The following SGMS1 variants were observed in gnomAD, a reference collection of about 807,000 sequenced individuals.
SGMS1 encodes sphingomyelin synthase 1.
SGMS1 carries 13 observed loss-of-function variants against 46.2 expected under a neutral mutation model. The observed-to-expected ratio is 0.28, with a 90% confidence interval of 0.18 to 0.45. The LOEUF (loss-of-function observed/expected upper bound fraction) is 0.45. SGMS1 is among the 20% of genes least tolerant of loss of function. The pLI is 1.00. For missense variants in SGMS1, 324 were observed against 519.9 expected (o/e 0.62, Z 3.66); for synonymous variants, 203 against 187.8 (o/e 1.08, Z -0.66).
rs1367059835 is a variant in SGMS1, at chr10:50,306,630, AT to A, written c.*511del. Reference sequence around the variant, plus strand: ...GTTACCAAACCTTTCTGTGTCTATCATTTTTATTTGAATATCGGTGCAACAG... The same window carrying A: ...GTTACCAAACCTTTCTGTGTCTATCATTTTATTTGAATATCGGTGCAACAG... On this transcript the variant is annotated 3_prime_UTR_variant, in exon 11 of 11. Coordinates refer to ENST00000361781, the MANE Select transcript of SGMS1 (RefSeq NM_147156.4). The A allele has an allele frequency of 2.0e-5, 3 of 152,778 alleles. No homozygotes were observed. Among genetic ancestry groups the A allele is most frequent in the Admixed American group, 6.5e-5 (1 of 15,284 alleles). 9.5% of individuals were successfully genotyped at this position (152,778 alleles called of 1,614,324 possible).
chr10:50,520,454 A>G (rs1249292012), intron 2 of SGMS1, among the ~76,000 whole-genome samples: 1 of 152,188 alleles, frequency 6.6e-6, no homozygotes, highest in Non-Finnish European at 1.5e-5. Context: ...ATTTACAAAG[A>G]GCTTTCACAT....
At chr10:50,458,339 CTTTTTTTT>C (rs750349777) in intron 5 of SGMS1, among the ~76,000 whole-genome samples, 259 of 97,120 alleles carry the variant, frequency 2.7e-3, no homozygotes, top group African/African-American at 3.8e-3. Flanking sequence ...TTCTTTTTCT[CTTTTTTTT>C]TTTTTTTTTT....
At chr10:50,582,007 G>A (rs1357201795) in intron 2 of SGMS1, among the ~76,000 whole-genome samples, 1 of 152,178 alleles carries the variant, frequency 6.6e-6, no homozygotes, top group Non-Finnish European at 1.5e-5. Flanking sequence ...GCAACCGCAG[G>A]GCAGAGCCTG....
intron 7 of SGMS1, among the ~76,000 whole-genome samples, chr10:50,329,902 G>C (rs1847591513): frequency 6.6e-6 from 1 of 152,096 alleles, no homozygotes; most frequent in African/African-American, 2.4e-5. Context: ...CCAAGTGTTA[G>C]AGCACTAGGC....
chr10:50,322,397 G>T (rs915897274), intron 8 of SGMS1, among the ~76,000 whole-genome samples: 39 of 152,324 alleles, frequency 2.6e-4, no homozygotes, highest in Middle Eastern at 6.8e-3. Flanking sequence ...GCATTAGGCT[G>T]CCTGTTTATC....
chr10:50,311,534 C>G, intron 8 of SGMS1, 119 bp from the exon 9 acceptor site: 1 of 914,918 alleles, frequency 1.1e-6, no homozygotes, highest in South Asian at 1.9e-5. Context: ...AAATCCCCAC[C>G]AGGAAGTTTG....
At chr10:50,522,266 C>T (rs926138808) in intron 2 of SGMS1, among the ~76,000 whole-genome samples, 6 of 152,020 alleles carry the variant, frequency 3.9e-5, no homozygotes, top group Non-Finnish European at 1.5e-5. Flanking sequence ...CTCCTTTATC[C>T]CTGTGACATA....
intron 5 of SGMS1, among the ~76,000 whole-genome samples, chr10:50,448,237 G>C (rs888635764): frequency 2.0e-5 from 3 of 152,010 alleles, no homozygotes; most frequent in African/African-American, 7.3e-5. Context: ...GGGCAACAGA[G>C]CAAGACCTTG....
chr10:50,459,935 A>G (rs1837243547), intron 5 of SGMS1: 1 of 152,158 alleles, frequency 6.6e-6, no homozygotes, highest in South Asian at 2.1e-4. Context: ...ATTACTCAGC[A>G]CAAGGTACAT....
chr10:50,561,594 A>T (rs1772801904), intron 2 of SGMS1, among the ~76,000 whole-genome samples: 1 of 152,190 alleles, frequency 6.6e-6, no homozygotes, highest in African/African-American at 2.4e-5. Context: ...ATACTGAAAG[A>T]TTTAAAGCAG....
At position 50,457,113 on chromosome 10, in the gene SGMS1, G is replaced by A. The variant is rs954718862; in HGVS notation, c.-313+3560C>T. Reference sequence around the variant, plus strand: ...TCACTAATAGAATGGATTCACTGACGCTATTACCCAAAGGGAATACTTATA... The same window carrying A: ...TCACTAATAGAATGGATTCACTGACACTATTACCCAAAGGGAATACTTATA... On this transcript the variant is annotated intron_variant, in intron 5 of 10. Transcript: ENST00000361781. Among the ~76,000 whole-genome samples the A allele has an allele frequency of 7.2e-5, 11 of 152,114 alleles. No individual in the cohort carries two copies. In the South Asian group the frequency reaches 1.2e-3, roughly 17 times the overall value.
chr10:50,448,071 A>G (rs1441502816), intron 5 of SGMS1, among the ~76,000 whole-genome samples: 2 of 152,160 alleles, frequency 1.3e-5, no homozygotes, highest in Admixed American at 1.3e-4. Context: ...CCAAACTGTG[A>G]AACAAATTCT....
chr10:50,320,137 C>T (rs1847416597), intron 8 of SGMS1, among the ~76,000 whole-genome samples: 1 of 152,140 alleles, frequency 6.6e-6, no homozygotes. Flanking sequence ...TGGCTTCTGC[C>T]ATGTGGATCA....
chr10:50,512,246 A>G (rs1837762715), intron 3 of SGMS1, among the ~76,000 whole-genome samples: 1 of 152,080 alleles, frequency 6.6e-6, no homozygotes, highest in South Asian at 2.1e-4. Context: ...GGAGTAGGAA[A>G]CAAGACTTCT....
chr10:50,579,887 G>C (rs577384404), intron 2 of SGMS1, among the ~76,000 whole-genome samples: 4 of 152,204 alleles, frequency 2.6e-5, no homozygotes, highest in Non-Finnish European at 5.9e-5. Context: ...AGCAGGCCTA[G>C]AGAGCAAGTA....
At chr10:50,493,682 A>G (rs889301748) in intron 3 of SGMS1, among the ~76,000 whole-genome samples, 1 of 152,094 alleles carries the variant, frequency 6.6e-6, no homozygotes, top group African/African-American at 2.4e-5. Context: ...TTCAAAAGAG[A>G]TACATGCAGC....
intron 2 of SGMS1, among the ~76,000 whole-genome samples, chr10:50,555,183 T>C (rs1838180226): frequency 6.6e-6 from 1 of 152,190 alleles, no homozygotes; most frequent in Non-Finnish European, 1.5e-5. Flanking sequence ...GACAAAATTA[T>C]CTTGGAACAA....
At chr10:50,328,724 C>T (rs57101811) in intron 7 of SGMS1, among the ~76,000 whole-genome samples, 1 of 152,072 alleles carries the variant, frequency 6.6e-6, no homozygotes, top group African/African-American at 2.4e-5. Context: ...AGTCAAGCTG[C>T]GTATGCCTCC....
At chr10:50,337,706 C>T (rs989456930) in intron 7 of SGMS1, among the ~76,000 whole-genome samples, 5 of 151,964 alleles carry the variant, frequency 3.3e-5, no homozygotes, top group Non-Finnish European at 5.9e-5. Flanking sequence ...AAACCAAAAA[C>T]AGATTAGCAT....
Sources: allele counts gnomAD v4.1 joint callset (sites outside exome capture counted in the v4.1 genomes callset), GRCh38; gene constraint gnomAD v4.1.1; transcripts MANE v1.5; gene names NCBI Gene and HGNC (gene_info 2026-07-23, HGNC 2026-07-21).